The following KCNMB2 variants were observed in gnomAD, a reference collection of about 807,000 sequenced individuals.
The protein encoded by KCNMB2 is potassium calcium-activated channel subfamily M regulatory beta subunit 2, also known as calcium-activated potassium channel subunit beta-2.
KCNMB2 carries 9 observed loss-of-function variants against 24.5 expected under a neutral mutation model. The ratio of observed to expected loss-of-function variants is 0.37; its 90% CI spans 0.22 to 0.64. KCNMB2 has a LOEUF of 0.64. KCNMB2 is among the 30% of genes least tolerant of loss of function. The pLI, the probability that KCNMB2 is intolerant of heterozygous loss-of-function variation, is 0.63. For synonymous variants in KCNMB2, 109 were observed against 104.4 expected (o/e 1.04, Z -0.27); for missense variants, 226 against 284.3 (o/e 0.79, Z 1.47).
intron 1 of KCNMB2, among the ~76,000 whole-genome samples, chr3:178,574,668 G>A (rs1716927023): frequency 6.6e-6 from 1 of 152,164 alleles, no homozygotes; most frequent in Admixed American, 6.5e-5. Flanking sequence ...TTTAATCAGG[G>A]TGGAAGTGTT....
intron 1 of KCNMB2, among the ~76,000 whole-genome samples, chr3:178,624,822 G>A (rs776877694): frequency 1.2e-4 from 19 of 152,114 alleles, no homozygotes; most frequent in Non-Finnish European, 2.2e-4. Flanking sequence ...CAGAGGTGTG[G>A]GTGAGTGGGC....
At chr3:178,605,382 A>G (rs1718236887) in intron 1 of KCNMB2, among the ~76,000 whole-genome samples, 1 of 152,210 alleles carries the variant, frequency 6.6e-6, no homozygotes, top group South Asian at 2.1e-4. Flanking sequence ...ATTCTCTTAT[A>G]GCAGCCCAAA....
intron 2 of KCNMB2, among the ~76,000 whole-genome samples, chr3:178,823,264 A>G (rs1714702775): frequency 6.6e-6 from 1 of 152,230 alleles, no homozygotes; most frequent in South Asian, 2.1e-4. Flanking sequence ...AAAACAGGGC[A>G]GGCCAGCTAA....
chr3:178,685,601 C>G (rs1423626091), intron 1 of KCNMB2, among the ~76,000 whole-genome samples: 1 of 152,206 alleles, frequency 6.6e-6, no homozygotes, highest in Non-Finnish European at 1.5e-5. Flanking sequence ...ACTTTAGTCA[C>G]CTTGTTTTTA....
chr3:178,675,163 G>A (rs142914978), intron 1 of KCNMB2, among the ~76,000 whole-genome samples: 8 of 152,266 alleles, frequency 5.3e-5, no homozygotes, highest in African/African-American at 1.9e-4. Flanking sequence ...ATATAATTTT[G>A]ATTCATTTTT....
At chr3:178,582,920 T>A (rs1054818233) in intron 1 of KCNMB2, among the ~76,000 whole-genome samples, 1 of 152,178 alleles carries the variant, frequency 6.6e-6, no homozygotes, top group Non-Finnish European at 1.5e-5. Context: ...ATTATTTAAC[T>A]TTTCTGAGAA....
chr3:178,714,689 A>G (rs746181439), intron 1 of KCNMB2, among the ~76,000 whole-genome samples: 1 of 152,250 alleles, frequency 6.6e-6, no homozygotes, highest in African/African-American at 2.4e-5. Context: ...GAACTTGTTC[A>G]CAGGTAGGTG....
At chr3:178,705,768 T>A (rs1722258508) in intron 1 of KCNMB2, among the ~76,000 whole-genome samples, 1 of 152,154 alleles carries the variant, frequency 6.6e-6, no homozygotes, top group Non-Finnish European at 1.5e-5. Flanking sequence ...ATTCAGCATA[T>A]CTGAAATAAT....
chr3:178,604,033 G>A (rs1267115436), intron 1 of KCNMB2, among the ~76,000 whole-genome samples: 2 of 152,042 alleles, frequency 1.3e-5, no homozygotes, highest in Non-Finnish European at 2.9e-5. Flanking sequence ...ACCCCAACAT[G>A]GCTCTGCTCA....
intron 1 of KCNMB2, among the ~76,000 whole-genome samples, chr3:178,581,926 G>C (rs1373525591): frequency 6.6e-6 from 1 of 152,214 alleles, no homozygotes; most frequent in Non-Finnish European, 1.5e-5. Flanking sequence ...GTGTATATTA[G>C]TTCAACCATT....
At chr3:178,631,398 A>G (rs1228934905) in intron 1 of KCNMB2, among the ~76,000 whole-genome samples, 1 of 152,240 alleles carries the variant, frequency 6.6e-6, no homozygotes, top group Non-Finnish European at 1.5e-5. Context: ...AGGGGACCCA[A>G]GCCACATAGC....
At chr3:178,755,360 A>C (rs536982576) in intron 1 of KCNMB2, among the ~76,000 whole-genome samples, 1 of 152,368 alleles carries the variant, frequency 6.6e-6, no homozygotes, top group South Asian at 2.1e-4. Flanking sequence ...GGGGGTGGGA[A>C]GCACCACTGT....
rs74920651 is a variant in KCNMB2 at position 178,635,220 on chromosome 3, T to C, written c.-68+98509T>C. Among the ~76,000 whole-genome samples, 531 of 152,246 alleles carry C rather than the reference T, an allele frequency of 3.5e-3. 4 individuals are homozygous for C. The highest frequency in any genetic ancestry group is 0.012 in the African/African-American group (507 of 41,560). On this transcript the variant is annotated intron_variant, in intron 1 of 4. Coordinates refer to ENST00000452583, the MANE Select transcript of KCNMB2 (RefSeq NM_181361.3). The stretch of plus-strand genomic sequence containing the variant: ...AAATACCAGCCAGAGGAGGACACTT[T>C]ACCAACCTGCTTGAACTAAGAAGAG...
chr3:178,616,714 A>G (rs1488783933), intron 1 of KCNMB2, among the ~76,000 whole-genome samples: 1 of 152,192 alleles, frequency 6.6e-6, no homozygotes, highest in Admixed American at 6.5e-5. Flanking sequence ...TGTCGGAGGA[A>G]CAATCAGTGG....
chr3:178,793,513 C>CAGG (rs1231346973), intron 1 of KCNMB2, among the ~76,000 whole-genome samples: 1 of 120,378 alleles, frequency 8.3e-6, no homozygotes, highest in Non-Finnish European at 2.0e-5. Flanking sequence ...GCTCTTCACC[C>CAGG]TGGGGGGGTG....
At chr3:178,729,857 C>T (rs183033961) in intron 1 of KCNMB2, among the ~76,000 whole-genome samples, 80 of 152,262 alleles carry the variant, frequency 5.3e-4, no homozygotes, top group Non-Finnish European at 2.4e-4. Flanking sequence ...GATTATGCTG[C>T]AGTTATAAAC....
chr3:178,825,272 G>T (rs1316811960), intron 2 of KCNMB2, among the ~76,000 whole-genome samples: 2 of 152,202 alleles, frequency 1.3e-5, no homozygotes, highest in African/African-American at 4.8e-5. Context: ...TTATTTTGAG[G>T]GTTGAGGGGA....
chr3:178,670,337 C>G (rs751837205), intron 1 of KCNMB2, among the ~76,000 whole-genome samples: 5 of 151,812 alleles, frequency 3.3e-5, no homozygotes, highest in Non-Finnish European at 5.9e-5. Flanking sequence ...ACACCAGTCA[C>G]GACAATCAAA....
At chr3:178,618,925 A>G (rs1209768468) in intron 1 of KCNMB2, among the ~76,000 whole-genome samples, 1 of 152,208 alleles carries the variant, frequency 6.6e-6, no homozygotes, top group Non-Finnish European at 1.5e-5. Flanking sequence ...ACTGTAAGAT[A>G]AAAAAATTGG....
Sources: allele counts gnomAD v4.1 joint callset (sites outside exome capture counted in the v4.1 genomes callset), GRCh38; gene constraint gnomAD v4.1.1; transcripts MANE v1.5; gene names NCBI Gene and HGNC (gene_info 2026-07-23, HGNC 2026-07-21).